The following TDRD6 variants were observed in gnomAD, a reference collection of about 807,000 sequenced individuals.
The protein encoded by TDRD6 is tudor domain-containing protein 6.
A neutral mutation model predicts 157.5 loss-of-function variants in TDRD6; 186 were observed. The observed-to-expected ratio is 1.18, with a 90% CI of 1.05 to 1.33. The LOEUF (loss-of-function observed/expected upper bound fraction) is 1.33. TDRD6 is among the 40% of genes most tolerant of loss of function. The pLI is 0.00. For synonymous variants in TDRD6, 1,075 were observed against 945.2 expected, an observed-to-expected ratio of 1.14 and a Z score of -2.52; for missense variants, 3,066 against 2,508.0, an observed-to-expected ratio of 1.22 and a Z score of -4.75.
chr6:46,689,620 A>T lies in TDRD6; in HGVS notation c.1492A>T (p.Asn498Tyr), dbSNP rs1248448759. Residue 498 changes from asparagine (N) to tyrosine (Y), a missense_variant, in exon 1 of 4, where the codon AAT (asparagine) becomes TAT (tyrosine). Physicochemically the swap from Asn to Tyr is moderately radical, Grantham distance 143 (BLOSUM62 -2). Coordinates refer to ENST00000316081, the MANE Select transcript of TDRD6 (RefSeq NM_001010870.3). Reference protein sequence around the residue: ...FYDAQVEFVKNPSEFWIRLRK... With the variant: ...FYDAQVEFVKYPSEFWIRLRK... ...CGATGCGCAGGTAGAGTTTGTTAAA[A>T]ATCCTTCTGAGTTTTGGATTAGGTT... 6.2e-7 allele frequency: 1 copy of T among 1,614,202 alleles called. No individual in the cohort carries two copies. Among genetic ancestry groups the T allele is most frequent in the Non-Finnish European group, 8.5e-7 (1 of 1,180,042 alleles).
At position 46,701,723 on chromosome 6, in the gene TDRD6, A is replaced by T. The variant is rs767553662; in HGVS notation, c.6262-135A>T. 1.1e-5 allele frequency: 8 copies of T among 721,478 alleles called. No individual in the cohort carries two copies. The Admixed American group carries it at 1.8e-4, about 16-fold the overall frequency. The allele number at this position is 721,478 out of a possible 1,614,324, so 44.7% of individuals were successfully genotyped here. A position where few individuals can be genotyped will look rare whatever the true frequency, so the allele number is the denominator to read the frequency against. ...ATTGTTTCTATAGAAATAATGCCCT[A>T]TAGTAATTAGAATACTCATCTGTCC... On this transcript the variant is annotated intron_variant, in intron 3 of 3. Coordinates refer to ENST00000316081, the MANE Select transcript of TDRD6 (RefSeq NM_001010870.3).
In TDRD6 at chr6:46,691,595, TG is replaced by T; in HGVS notation, c.3471del (p.Leu1158TyrfsTer8). Reference protein sequence around the residue: ...IQISASINKKLGLLSYKDRIR... With the variant: ...IQISASINKKXGLLSYKDRIR... Reference sequence around the variant, plus strand: ...ATTAGTGCTAGTATTAATAAGAAGTTGGGGCTACTTAGTTACAAAGATAGAA... The same window carrying T: ...ATTAGTGCTAGTATTAATAAGAAGTTGGGCTACTTAGTTACAAAGATAGAA... On this transcript the variant is annotated frameshift_variant, in exon 1 of 4. Transcript: ENST00000316081. LOFTEE classifies it high-confidence loss of function. 1 of 1,613,350 alleles carries T rather than the reference TG, an allele frequency of 6.2e-7. No individual in the cohort carries two copies. The highest frequency in any genetic ancestry group is 8.5e-7 in the Non-Finnish European group (1 of 1,179,600).
intron 2 of TDRD6, among the ~76,000 whole-genome samples, 167 bp from the exon 3 acceptor site, chr6:46,697,831 T>C (rs1390314356): frequency 1.4e-5 from 2 of 143,584 alleles, no homozygotes. Flanking sequence ...AAGGTCACAG[T>C]GAGCTCTGAT....
rs763403899 is a variant in TDRD6, at chr6:46,693,728, G to A, written c.5600G>A (p.Gly1867Glu). 8 of 1,614,094 alleles carry A rather than the reference G, an allele frequency of 5.0e-6. No individual in the cohort carries two copies. The highest frequency in any genetic ancestry group is 1.3e-5 in the African/African-American group (1 of 74,934). Residue 1867 changes from glycine to glutamate, a missense_variant, in exon 1 of 4, where the codon GGG (glycine) becomes GAG (glutamate). Coordinates refer to ENST00000316081, the MANE Select transcript of TDRD6 (RefSeq NM_001010870.3). ...TCTCTGGTGGTGGATGAAGAAAAAG[G>A]GGAGCTAAGCCCGGTGCCACCGAAT... ...QNSLVVDEEK[G>E]ELSPVPPNVP...
chr6:46,696,644 C>G (rs1402172797), intron 2 of TDRD6, among the ~76,000 whole-genome samples: 2 of 99,412 alleles, frequency 2.0e-5, no homozygotes, highest in East Asian at 6.6e-4. Flanking sequence ...CAGGGTCTCA[C>G]TCTGTCACCC....
chr6:46,693,065 G>T lies in TDRD6; in HGVS notation c.4937G>T (p.Cys1646Phe). ...GGGTTTAACATTTCAGAAGGATTAT[G>T]TTCTCAAGAGGGAAATGACTATTTC... ...LSGFNISEGL[C>F]SQEGNDYFYE... Residue 1646 changes from cysteine to phenylalanine, a missense_variant, in exon 1 of 4, where the codon TGT (cysteine) becomes TTT (phenylalanine). Transcript: ENST00000316081. The T allele has an allele frequency of 6.2e-7, 1 of 1,613,928 alleles. No individual in the cohort carries two copies. The highest frequency in any genetic ancestry group is 8.5e-7 in the Non-Finnish European group (1 of 1,179,980).
At chr6:46,697,618 G>A (rs1237682873) in intron 2 of TDRD6, among the ~76,000 whole-genome samples, 1 of 152,118 alleles carries the variant, frequency 6.6e-6, no homozygotes, top group East Asian at 1.9e-4. Flanking sequence ...CAGGTGCAGT[G>A]GCTTATGCCT....
chr6:46,695,998 A>C (rs917722100), intron 2 of TDRD6, 53 bp downstream of exon 2: 8 of 1,572,792 alleles, frequency 5.1e-6, no homozygotes, highest in Admixed American at 3.7e-5. Context: ...ACTATTAAGG[A>C]AAGTTTACCA....
chr6:46,685,600 A>G (rs906724805), upstream of TDRD6, among the ~76,000 whole-genome samples: 1 of 152,056 alleles, frequency 6.6e-6, no homozygotes, highest in Non-Finnish European at 1.5e-5. Context: ...CAAACTTCAC[A>G]TACCGGGGCC....
chr6:46,689,476 C>T lies in TDRD6; in HGVS notation c.1348C>T (p.Gln450Ter), dbSNP rs1764237888. The change falls in exon 1 of 4, where the codon CAG becomes TAG. Residue 450 changes from glutamine (Q) to a stop codon, truncating the protein, a stop_gained. Coordinates refer to ENST00000316081, the MANE Select transcript of TDRD6 (RefSeq NM_001010870.3). LOFTEE classifies it high-confidence loss of function. Reference protein sequence around the residue: ...CCLADRVLQSQATEEEEPETS... With the variant: ...CCLADRVLQS ...CTTGGCTGACCGAGTCCTTCAGAGC[C>T]AGGCAACAGAGGAGGAGGAACCAGA... 6.2e-7 allele frequency: 1 copy of T among 1,613,538 alleles called. No individual in the cohort carries two copies. The highest frequency in any genetic ancestry group is 8.5e-7 in the Non-Finnish European group (1 of 1,180,040).
rs750575547 is a variant in TDRD6 at position 46,694,089 on chromosome 6, C to T, written c.5961C>T (p.Ala1987=). The T allele has an allele frequency of 6.2e-7, 1 of 1,610,862 alleles. No homozygotes were observed. The highest frequency in any genetic ancestry group is 8.5e-7 in the Non-Finnish European group (1 of 1,178,572). Residue 1987 remains alanine (A), a synonymous_variant, in exon 1 of 4, where the codon GCC becomes GCT. Coordinates refer to ENST00000316081, the MANE Select transcript of TDRD6 (RefSeq NM_001010870.3). ...TTGTAGAGTATAAAAACAGGGATGC[C>T]ATTTCGGCATTGATGCCTTTGTTCT... is the stretch of plus-strand genomic sequence containing the variant. The part of the protein sequence containing the change: ...EEFVEYKNRD[A]ISALMPLFSE...
upstream of TDRD6, among the ~76,000 whole-genome samples, chr6:46,685,123 A>G (rs766954255): frequency 2.0e-5 from 3 of 147,418 alleles, no homozygotes; most frequent in Admixed American, 6.8e-5. Flanking sequence ...TCTTTTGCCT[A>G]TTTTCAAATT....
At position 46,693,976 on chromosome 6, in the gene TDRD6, G is replaced by A. The variant is rs1764423601; in HGVS notation, c.5848G>A (p.Asp1950Asn). 6.2e-7 allele frequency: 1 copy of A among 1,613,622 alleles called. No homozygotes were observed. The highest frequency in any genetic ancestry group is 8.5e-7 in the Non-Finnish European group (1 of 1,179,864). The change falls in exon 1 of 4, where the codon GAT becomes AAT. Residue 1950 changes from aspartate (D) to asparagine (N), a missense_variant. By Grantham distance (23) the Asp-to-Asn change is conservative. Transcript: ENST00000316081. ...AAAGTCAAGTTGTGTAGAATCTTTT[G>A]ATGACCAGCGCAGGATGTCATTGCA... is the stretch of plus-strand genomic sequence containing the variant. ...MRKSSCVESF[D>N]DQRRMSLHLH... is the part of the protein sequence containing the mutation.
Position 46,693,099 on chromosome 6 carries a change from A to G in TDRD6, c.4971A>G (p.Ile1657Met), listed in dbSNP as rs1373710668. The G allele has an allele frequency of 6.2e-7, 1 of 1,613,914 alleles. No homozygotes were observed. Among genetic ancestry groups the G allele is most frequent in the East Asian group, 2.2e-5 (1 of 44,878 alleles). Residue 1657 changes from isoleucine (I) to methionine (M), a missense_variant, in exon 1 of 4, where the codon ATA becomes ATG. Ile to Met is a conservative substitution (Grantham distance 10, BLOSUM62 1). Coordinates refer to ENST00000316081, the MANE Select transcript of TDRD6 (RefSeq NM_001010870.3). ...SQEGNDYFYE[I>M]ITEDVLEITI... is the part of the protein sequence containing the mutation. ...AGGGAAATGACTATTTCTATGAAAT[A>G]ATAACAGAAGATGTGTTGGAAATAA...
chr6:46,692,540 A>T lies in TDRD6; in HGVS notation c.4412A>T (p.Asp1471Val), dbSNP rs548729473. The T allele has an allele frequency of 2.3e-4, 370 of 1,613,864 alleles. 9 individuals carry two copies. In the South Asian group the frequency reaches 3.9e-3, roughly 17 times the overall value. ...GCTGATGAACATGGGATCATAGCAGATGATATGATTAGCAGGTATGCTCTC... is the reference window on the plus strand; with the variant it reads ...GCTGATGAACATGGGATCATAGCAGTTGATATGATTAGCAGGTATGCTCTC... ...ILADEHGIIADDMISRYALSE... is the reference protein window; with the variant it reads ...ILADEHGIIAVDMISRYALSE... The change falls in exon 1 of 4, where the codon GAT (aspartate) becomes GTT (valine). Residue 1471 changes from aspartate (D) to valine (V), a missense_variant. Physicochemically the swap from Asp to Val is radical, Grantham distance 152 (BLOSUM62 -3). Coordinates refer to ENST00000316081, the MANE Select transcript of TDRD6 (RefSeq NM_001010870.3).
At position 46,692,530 on chromosome 6, in the gene TDRD6, A is replaced by C. The variant is rs753951244; in HGVS notation, c.4402A>C (p.Ile1468Leu). The C allele has an allele frequency of 7.4e-6, 12 of 1,613,746 alleles. No individual in the cohort carries two copies. In the Admixed American group the frequency reaches 2.0e-4, roughly 27 times the overall value. ...AGTTATTCTTGCTGATGAACATGGG[A>C]TCATAGCAGATGATATGATTAGCAG... Reference protein sequence around the residue: ...WEVILADEHGIIADDMISRYA... With the variant: ...WEVILADEHGLIADDMISRYA... Residue 1468 changes from isoleucine (I) to leucine (L), a missense_variant, in exon 1 of 4, where the codon ATC becomes CTC. Coordinates refer to ENST00000316081, the MANE Select transcript of TDRD6 (RefSeq NM_001010870.3).
intron 1 of TDRD6, among the ~76,000 whole-genome samples, chr6:46,695,136 A>G (rs1764458274): frequency 6.6e-6 from 1 of 152,148 alleles, no homozygotes. Context: ...AATTTGAACC[A>G]TTGTAAAAAT....
the TDRD6 span, among the ~76,000 whole-genome samples, chr6:46,682,462 T>C: frequency 3.9e-5 from 6 of 151,982 alleles, no homozygotes. Context: ...TTTATTCTAA[T>C]CTGTACTGAA....
In TDRD6 at chr6:46,690,467, A is replaced by G. The variant is rs1480331799; in HGVS notation, c.2339A>G (p.Tyr780Cys). 6.2e-7 allele frequency: 1 copy of G among 1,614,166 alleles called. No individual in the cohort carries two copies. Among genetic ancestry groups the G allele is most frequent in the East Asian group, 2.2e-5 (1 of 44,886 alleles). ...VGSTVEVRVS[Y>C]VENPGYFWCQ... ...AGTACAGTAGAAGTCAGAGTGTCTT[A>G]TGTTGAAAACCCTGGCTATTTCTGG... The change falls in exon 1 of 4, where the codon TAT becomes TGT. Residue 780 changes from tyrosine (Y) to cysteine (C), a missense_variant. Coordinates refer to ENST00000316081, the MANE Select transcript of TDRD6 (RefSeq NM_001010870.3).
Sources: allele counts gnomAD v4.1 joint callset (sites outside exome capture counted in the v4.1 genomes callset), GRCh38; gene constraint gnomAD v4.1.1; transcripts MANE v1.5; gene names NCBI Gene and HGNC (gene_info 2026-07-23, HGNC 2026-07-21).